The following ZNF622 variants were observed in gnomAD, a reference collection of about 807,000 sequenced individuals.
The protein encoded by ZNF622 is cytoplasmic 60S subunit biogenesis factor ZNF622.
In ZNF622, 34 loss-of-function variants were observed where a neutral mutation model predicts 49.7. The observed-to-expected ratio is 0.68, with a 90% confidence interval of 0.52 to 0.91. The LOEUF (loss-of-function observed/expected upper bound fraction) is 0.91, where lower values mean the gene tolerates loss of function less well. Ranked by LOEUF, ZNF622 falls within the 40% of genes least tolerant of loss-of-function variation. ZNF622 has a pLI of 0.00. For missense variants in ZNF622, 569 were observed against 616.4 expected, an observed-to-expected ratio of 0.92 and a Z score of 0.81; for synonymous variants, 209 against 228.7, an observed-to-expected ratio of 0.91 and a Z score of 0.78.
chr5:16,459,494 G>A (rs554926440), intron 3 of ZNF622, among the ~76,000 whole-genome samples: 1 of 152,278 alleles, frequency 6.6e-6, no homozygotes, highest in Admixed American at 6.5e-5. Context: ...CAATTTGACA[G>A]TATTTTCTAA....
intron 3 of ZNF622, among the ~76,000 whole-genome samples, chr5:16,461,504 T>C (rs1042056359): frequency 7.9e-5 from 12 of 152,180 alleles, no homozygotes; most frequent in African/African-American, 2.7e-4. Flanking sequence ...ACCTGGGTAG[T>C]AGCCATAGAA....
intron 4 of ZNF622, among the ~76,000 whole-genome samples, chr5:16,457,810 T>C: frequency 6.6e-6 from 1 of 152,200 alleles, no homozygotes; most frequent in East Asian, 1.9e-4. Flanking sequence ...AAGCTTCATA[T>C]GTAAAATGAA....
intron 3 of ZNF622, among the ~76,000 whole-genome samples, chr5:16,461,182 T>C (rs1446299678): frequency 6.6e-6 from 1 of 152,214 alleles, no homozygotes; most frequent in Non-Finnish European, 1.5e-5. Flanking sequence ...GCAAAGGTCT[T>C]GAGAAACACA....
rs113566156 is a variant in ZNF622 at position 16,465,291 on chromosome 5, C to T, written c.375G>A (p.Lys125=). Reference sequence around the variant, plus strand: ...GCTGGATGGCCGCGTTCATGGCATCCTTGTCCACACTGTCCACGCCCAGTC... The same window carrying T: ...GCTGGATGGCCGCGTTCATGGCATCTTTGTCCACACTGTCCACGCCCAGTC... ...EKGLGVDSVD[K]DAMNAAIQQA... is the part of the protein sequence containing the mutation. Residue 125 remains lysine (K), a synonymous_variant, in exon 1 of 6, where the codon AAG becomes AAA. Transcript: ENST00000308683. This position sits in a 1 kb window ranked among gnomAD's most constrained non-coding sequence, Gnocchi z 6.2. 1,596 of 1,614,276 alleles carry T rather than the reference C, an allele frequency of 9.9e-4. 18 individuals carry two copies. The African/African-American group carries it at 0.018, about 19-fold the overall frequency.
intron 5 of ZNF622, among the ~76,000 whole-genome samples, chr5:16,452,491 G>A (rs1299873920): frequency 6.6e-6 from 1 of 152,036 alleles, no homozygotes; most frequent in Non-Finnish European, 1.5e-5. Context: ...CTCGACTATG[G>A]GCATGCACTA....
At chr5:16,454,855 G>A (rs1264055180) in intron 4 of ZNF622, among the ~76,000 whole-genome samples, 1 of 152,148 alleles carries the variant, frequency 6.6e-6, no homozygotes. Context: ...TAGGGAAAAT[G>A]TCCCAACCCA....
intron 4 of ZNF622, 100 bp downstream of exon 4, chr5:16,458,417 T>G: frequency 1.2e-6 from 1 of 825,084 alleles, no homozygotes; most frequent in Non-Finnish European, 2.0e-6. Flanking sequence ...ACTTTAAGCT[T>G]ATGGTCTATT....
At chr5:16,459,328 A>T (rs1738086476) in intron 3 of ZNF622, among the ~76,000 whole-genome samples, 1 of 152,198 alleles carries the variant, frequency 6.6e-6, no homozygotes, top group South Asian at 2.1e-4. Context: ...TCACAAAAAG[A>T]TATCCAAATG....
Position 16,465,766 on chromosome 5 carries a change from G to T in ZNF622, c.-101C>A. On this transcript the variant is annotated 5_prime_UTR_variant, in exon 1 of 6. Coordinates refer to ENST00000308683, the MANE Select transcript of ZNF622 (RefSeq NM_033414.3). The surrounding 1 kb of genome is among the most constrained non-coding windows in gnomAD (Gnocchi z 6.2). ...CTTAACCCGCCTCAGCAGCCAGGAA[G>T]AGCCACTCGACACGCCGACTTCCTG... 6.9e-7 allele frequency: 1 copy of T among 1,457,208 alleles called. No individual in the cohort carries two copies. Among genetic ancestry groups the T allele is most frequent in the East Asian group, 2.3e-5 (1 of 43,164 alleles). 90.3% of individuals were successfully genotyped at this position (1,457,208 alleles called of 1,614,324 possible). A position where few individuals can be genotyped will look rare whatever the true frequency, so the allele number is the denominator to read the frequency against.
At chr5:16,461,862 G>A (rs780657550) in intron 3 of ZNF622, among the ~76,000 whole-genome samples, 9 of 152,172 alleles carry the variant, frequency 5.9e-5, no homozygotes, top group Non-Finnish European at 8.8e-5. Context: ...TGAAATCTAT[G>A]AGACTGGGTA....
rs749929087 is a variant in ZNF622 at position 16,463,318 on chromosome 5, C to T, written c.887-48G>A. On this transcript the variant is annotated intron_variant, in intron 2 of 5. Coordinates refer to ENST00000308683, the MANE Select transcript of ZNF622 (RefSeq NM_033414.3). The surrounding 1 kb of genome is among the most constrained non-coding windows in gnomAD (Gnocchi z 4.2). ...AAATATGAAAAAAGCTTTTTGCAAC[C>T]AGATTAAATCTCACTATTTGTCACC... The T allele has an allele frequency of 1.3e-6, 2 of 1,553,338 alleles. No homozygotes were observed. Among genetic ancestry groups the T allele is most frequent in the East Asian group, 2.3e-5 (1 of 44,324 alleles).
chr5:16,458,512 C>T lies in ZNF622; in HGVS notation c.1162+5G>A, dbSNP rs758389694. Reference sequence around the variant, plus strand: ...AAGCTATTTATTTTTGACAAATGCACTTACCAGAAGGCAGAATCAATTCCA... The same window carrying T: ...AAGCTATTTATTTTTGACAAATGCATTTACCAGAAGGCAGAATCAATTCCA... On this transcript the variant is annotated splice_donor_5th_base_variant and intron_variant, in intron 4 of 5. Coordinates refer to ENST00000308683, the MANE Select transcript of ZNF622 (RefSeq NM_033414.3). The T allele has an allele frequency of 6.2e-7, 1 of 1,606,134 alleles. No homozygotes were observed. The highest frequency in any genetic ancestry group is 1.1e-5 in the South Asian group (1 of 90,616).
At chr5:16,464,997 G>A (rs925829610) in intron 1 of ZNF622, 44 bp downstream of exon 1, 3 of 1,525,406 alleles carry the variant, frequency 2.0e-6, no homozygotes, top group Non-Finnish European at 2.6e-6. Flanking sequence ...CTTAAGGGTG[G>A]GCCAAGTTCC....
At chr5:16,459,776 A>G (rs1738095197) in intron 3 of ZNF622, among the ~76,000 whole-genome samples, 1 of 152,230 alleles carries the variant, frequency 6.6e-6, no homozygotes, top group Non-Finnish European at 1.5e-5. Flanking sequence ...GCCACACCCA[A>G]GAGTACATTC....
Position 16,465,328 on chromosome 5 carries a change from T to C in ZNF622, c.338A>G (p.Asn113Ser). The C allele has an allele frequency of 6.2e-7, 1 of 1,614,270 alleles. No homozygotes were observed. The highest frequency in any genetic ancestry group is 8.5e-7 in the Non-Finnish European group (1 of 1,180,040). ...NRKVEMMNEK[N>S]LEKGLGVDSV... is the part of the protein sequence containing the mutation. The stretch of plus-strand genomic sequence containing the variant: ...GTCCACGCCCAGTCCTTTCTCCAAG[T>C]TCTTTTCATTCATCATCTCCACTTT... The change falls in exon 1 of 6, where the codon AAC (asparagine) becomes AGC (serine). Residue 113 changes from asparagine (N) to serine (S), a missense_variant. By Grantham distance (46) the Asn-to-Ser change is conservative. Transcript: ENST00000308683. The surrounding 1 kb of genome is among the most constrained non-coding windows in gnomAD (Gnocchi z 6.2).
At chr5:16,464,293 C>G (rs1251673784) in intron 1 of ZNF622, among the ~76,000 whole-genome samples, 1 of 152,136 alleles carries the variant, frequency 6.6e-6, no homozygotes, top group Non-Finnish European at 1.5e-5. Context: ...AGGGAACTGG[C>G]TAGCCCCTTT....
chr5:16,455,176 T>C (rs1271236381), intron 4 of ZNF622, among the ~76,000 whole-genome samples: 1 of 152,244 alleles, frequency 6.6e-6, no homozygotes, highest in Non-Finnish European at 1.5e-5. Flanking sequence ...TAGAACCCTG[T>C]GTACGGTTTC....
In ZNF622 at chr5:16,463,798, T is replaced by C. The variant is rs745527989; in HGVS notation, c.626-56A>G. 4.2e-5 allele frequency: 66 copies of C among 1,575,962 alleles called. No individual in the cohort carries two copies. Among genetic ancestry groups the C allele is most frequent in the Admixed American group, 5.3e-5 (3 of 56,562 alleles). On this transcript the variant is annotated intron_variant, in intron 1 of 5. Transcript: ENST00000308683. The surrounding 1 kb of genome is among the most constrained non-coding windows in gnomAD (Gnocchi z 4.2). ...TAAGAAAAGTAGTAGCAAGCAAAGATATCACAAAAATTCACGAGGTGATAC... is the reference window on the plus strand; with the variant it reads ...TAAGAAAAGTAGTAGCAAGCAAAGACATCACAAAAATTCACGAGGTGATAC...
intron 4 of ZNF622, among the ~76,000 whole-genome samples, chr5:16,454,045 A>G (rs1392681601): frequency 1.3e-5 from 2 of 152,338 alleles, no homozygotes; most frequent in South Asian, 2.1e-4. Flanking sequence ...TGAGTCAATC[A>G]TGCTTTCAGA....
Sources: gnomAD v4.1 joint callset for allele counts (sites outside exome capture counted in the v4.1 genomes callset) on GRCh38, gnomAD v4.1.1 for gene constraint, Gnocchi (gnomAD v3.1) non-coding constraint, MANE v1.5 for transcripts, NCBI Gene and HGNC (gene_info 2026-07-23, HGNC 2026-07-21) for gene names.